Variants in MED13L observed in about 807,000 individuals in gnomAD.
MED13L encodes the protein mediator complex subunit 13L.
A neutral mutation model predicts 220.9 loss-of-function variants in MED13L; 7 were observed. That is an observed-to-expected ratio of 0.03 (90% CI 0.02 to 0.06). MED13L has a LOEUF of 0.06. MED13L is among the 10% of genes least tolerant of loss of function. The pLI, the probability that MED13L is intolerant of heterozygous loss-of-function variation, is 1.00. For synonymous variants in MED13L, 1,011 were observed against 1,015.2 expected, an observed-to-expected ratio of 1.00 and a Z score of 0.08; for missense variants, 1,965 against 2,760.5, an observed-to-expected ratio of 0.71 and a Z score of 6.46.
At chr12:116,165,445 C>T (rs1331497494) in intron 2 of MED13L, among the ~76,000 whole-genome samples, 1 of 151,856 alleles carries the variant, frequency 6.6e-6, no homozygotes, top group Non-Finnish European at 1.5e-5. Context: ...ATTCTCCTAC[C>T]TCAGCCTCCC....
rs112098531 is a variant in MED13L, at chr12:116,073,644, C to G, written c.479+23025G>C. ...GATAAAAGATAAACTTGGTGAAAAC[C>G]CAAAATCTATTATTGAGGAAGGTAA... On this transcript the variant is annotated intron_variant, in intron 4 of 30. Coordinates refer to ENST00000281928, the MANE Select transcript of MED13L (RefSeq NM_015335.5). Among the ~76,000 whole-genome samples the G allele has an allele frequency of 2.2e-3, 335 of 152,140 alleles. 3 individuals are homozygous for G. Among genetic ancestry groups the G allele is most frequent in the African/African-American group, 7.6e-3 (317 of 41,526 alleles).
At chr12:116,050,060 A>G (rs1868368183) in intron 4 of MED13L, among the ~76,000 whole-genome samples, 1 of 152,192 alleles carries the variant, frequency 6.6e-6, no homozygotes, top group Non-Finnish European at 1.5e-5. Context: ...TAACAACCCA[A>G]TAACACAAGG....
intron 4 of MED13L, among the ~76,000 whole-genome samples, chr12:116,092,823 A>G (rs561015826): frequency 6.6e-6 from 1 of 152,230 alleles, no homozygotes; most frequent in East Asian, 1.9e-4. Flanking sequence ...AGTAATTAGA[A>G]TATCTGAAAA....
intron 1 of MED13L, among the ~76,000 whole-genome samples, chr12:116,258,259 T>C (rs1389325895): frequency 6.6e-6 from 1 of 152,228 alleles, no homozygotes; most frequent in Non-Finnish European, 1.5e-5. Context: ...GACAAGCTAC[T>C]TAAATTTCTT....
intron 17 of MED13L, among the ~76,000 whole-genome samples, chr12:115,989,804 C>T (rs1477208192): frequency 6.6e-6 from 1 of 152,148 alleles, no homozygotes; most frequent in Non-Finnish European, 1.5e-5. Context: ...ATTTCTTCTC[C>T]ACCTTCTTCA....
chr12:116,048,935 G>C (rs563538335), intron 4 of MED13L, among the ~76,000 whole-genome samples: 2 of 152,242 alleles, frequency 1.3e-5, no homozygotes, highest in South Asian at 4.1e-4. Context: ...CTCAATATCA[G>C]ATCCTGCATA....
intron 2 of MED13L, among the ~76,000 whole-genome samples, chr12:116,195,670 T>G (rs1462868696): frequency 6.6e-6 from 1 of 151,916 alleles, no homozygotes; most frequent in Non-Finnish European, 1.5e-5. Flanking sequence ...AGGCTGGTCT[T>G]GAACTCCTGA....
At chr12:116,222,162 G>A (rs942852814) in intron 2 of MED13L, among the ~76,000 whole-genome samples, 2 of 152,104 alleles carry the variant, frequency 1.3e-5, no homozygotes, top group African/African-American at 4.8e-5. Context: ...GCTATAAAAT[G>A]CATTTACACA....
rs192626964 is a variant in MED13L at position 116,088,490 on chromosome 12, G to C, written c.479+8179C>G. On this transcript the variant is annotated intron_variant, in intron 4 of 30. Transcript: ENST00000281928. Reference sequence around the variant, plus strand: ...GGAGACATTTTGGGTTGTCACGACTGAGGGAGGAGGGTGTGACTGGCATCA... The same window carrying C: ...GGAGACATTTTGGGTTGTCACGACTCAGGGAGGAGGGTGTGACTGGCATCA... 1.6e-4 allele frequency among the ~76,000 whole-genome samples: 25 copies of C among 152,266 alleles called. No individual in the cohort carries two copies. The East Asian group carries it at 4.8e-3, about 29-fold the overall frequency.
chr12:116,008,361 C>T, intron 10 of MED13L, 40 bp downstream of exon 10: 1 of 1,574,166 alleles, frequency 6.4e-7, no homozygotes, highest in Non-Finnish European at 8.6e-7. Context: ...AGCCCATGCC[C>T]TTCCGGTGGA....
Position 116,052,052 on chromosome 12 carries a change from G to A in MED13L, c.480-29451C>T, listed in dbSNP as rs1034220331. On this transcript the variant is annotated intron_variant, in intron 4 of 30. Transcript: ENST00000281928. ...ACCAGTTTTGTTTTTGAAATTTAATGTTTATTATGTACTTACCTACACACA... is the reference window on the plus strand; with the variant it reads ...ACCAGTTTTGTTTTTGAAATTTAATATTTATTATGTACTTACCTACACACA... 2.7e-5 allele frequency among the ~76,000 whole-genome samples: 4 copies of A among 150,412 alleles called. No individual in the cohort carries two copies. The Admixed American group carries it at 2.7e-4, about 10-fold the overall frequency.
chr12:115,961,566 G>C (rs1017941225), intron 30 of MED13L, 168 bp from the exon 31 acceptor site: 1 of 945,612 alleles, frequency 1.1e-6, no homozygotes, highest in East Asian at 2.6e-5. Context: ...CTTCCTTCTA[G>C]ATATGGACTA....
intron 14 of MED13L, among the ~76,000 whole-genome samples, chr12:115,999,977 T>TA (rs1203949098): frequency 6.6e-6 from 1 of 152,236 alleles, no homozygotes; most frequent in Non-Finnish European, 1.5e-5. Flanking sequence ...TTCAATTTCC[T>TA]AATCCGTAAA....
At chr12:116,118,976 GTTTTA>G (rs1261792922) in intron 2 of MED13L, among the ~76,000 whole-genome samples, 9 of 152,206 alleles carry the variant, frequency 5.9e-5, no homozygotes, top group East Asian at 3.9e-4. Flanking sequence ...AATCATTCTT[GTTTTA>G]TTTTATGTGC....
chr12:116,253,270 C>A (rs1212054190), intron 1 of MED13L, among the ~76,000 whole-genome samples: 2 of 66,846 alleles, frequency 3.0e-5, no homozygotes, highest in African/African-American at 1.0e-4. Flanking sequence ...GAAACTCCAT[C>A]TCAAAAAAAA....
chr12:116,146,052 C>T (rs576985516), intron 2 of MED13L, among the ~76,000 whole-genome samples: 12 of 152,336 alleles, frequency 7.9e-5, no homozygotes, highest in Admixed American at 3.3e-4. Context: ...AGGCCCAGAA[C>T]GGCTTTGACT....
intron 4 of MED13L, among the ~76,000 whole-genome samples, chr12:116,065,262 A>G (rs908254028): frequency 5.3e-5 from 8 of 152,186 alleles, no homozygotes; most frequent in African/African-American, 1.9e-4. Context: ...TGCAGTGTGT[A>G]CGTGTGTGTA....
intron 14 of MED13L, among the ~76,000 whole-genome samples, chr12:115,997,765 G>C (rs1023893382): frequency 5.3e-5 from 8 of 152,078 alleles, no homozygotes; most frequent in Non-Finnish European, 1.0e-4. Context: ...TTTATGGTCT[G>C]GCTTCACATT....
chr12:116,189,505 G>A (rs902855461), intron 2 of MED13L, among the ~76,000 whole-genome samples: 6 of 151,972 alleles, frequency 3.9e-5, no homozygotes, highest in African/African-American at 1.5e-4. Context: ...TTTAAATTTT[G>A]ATAAAGTCCA....
Sources: gnomAD v4.1 joint callset for allele counts (sites outside exome capture counted in the v4.1 genomes callset) on GRCh38, gnomAD v4.1.1 for gene constraint, MANE v1.5 for transcripts, NCBI Gene and HGNC (gene_info 2026-07-23, HGNC 2026-07-21) for gene names.